The following CASQ2 variants were observed in gnomAD, a reference collection of about 807,000 sequenced individuals.
The protein encoded by CASQ2 is calsequestrin-2.
In CASQ2, 49 loss-of-function variants were observed where a neutral mutation model predicts 46.5. The ratio of observed to expected loss-of-function variants is 1.05; its 90% CI spans 0.84 to 1.34. The LOEUF (loss-of-function observed/expected upper bound fraction) is 1.34. Among genes scored for constraint, CASQ2 ranks in the 40% most tolerant of loss-of-function variants. The pLI, the probability that CASQ2 is intolerant of heterozygous loss-of-function variation, is 0.00. For synonymous variants in CASQ2, 174 were observed against 168.5 expected (o/e 1.03, Z -0.25); for missense variants, 486 against 481.3 (o/e 1.01, Z -0.09).
chr1:115,725,428 T>C (rs575264268), intron 7 of CASQ2, 80 bp downstream of exon 7: 3 of 1,526,836 alleles, frequency 2.0e-6, no homozygotes, highest in East Asian at 4.5e-5. Context: ...GGTTTGAGTT[T>C]GGGGACTTAA....
intron 1 of CASQ2, among the ~76,000 whole-genome samples, chr1:115,765,061 T>C (rs573697454): frequency 6.6e-6 from 1 of 152,226 alleles, no homozygotes; most frequent in Non-Finnish European, 1.5e-5. Context: ...AGTAAATTCC[T>C]ACTCATTTCA....
rs1557788150 is a variant in CASQ2 at position 115,713,851 on chromosome 1, G to T, written c.838+3989C>A. Among the ~76,000 whole-genome samples, 4 of 152,144 alleles carry T rather than the reference G, an allele frequency of 2.6e-5. No individual in the cohort carries two copies. In the South Asian group the frequency reaches 8.3e-4, roughly 31 times the overall value. ...GACTGTGCACAGGAGGGGCCCTTGG[G>T]AAATCTAAGCTCGATTTCCCACTAT... On this transcript the variant is annotated intron_variant, in intron 8 of 10. Coordinates refer to ENST00000261448, the MANE Select transcript of CASQ2 (RefSeq NM_001232.4).
chr1:115,707,598 G>A (rs961621524), intron 8 of CASQ2, among the ~76,000 whole-genome samples: 18 of 152,296 alleles, frequency 1.2e-4, no homozygotes, highest in African/African-American at 3.6e-4. Context: ...ACTATGGGTC[G>A]TCCTTTGGCC....
At chr1:115,757,498 T>A in intron 1 of CASQ2, among the ~76,000 whole-genome samples, 1 of 152,238 alleles carries the variant, frequency 6.6e-6, no homozygotes, top group Non-Finnish European at 1.5e-5. Flanking sequence ...ATCCTGTGTG[T>A]GTTGCTATTC....
At chr1:115,747,609 T>C (rs1256435899) in intron 1 of CASQ2, among the ~76,000 whole-genome samples, 1 of 152,214 alleles carries the variant, frequency 6.6e-6, no homozygotes, top group East Asian at 1.9e-4. Flanking sequence ...TTCATGAATA[T>C]GGTATGTCTC....
chr1:115,759,366 CT>C (rs1201225416), intron 1 of CASQ2, among the ~76,000 whole-genome samples: 1 of 152,196 alleles, frequency 6.6e-6, no homozygotes, highest in Admixed American at 6.5e-5. Context: ...AAATTAGTTT[CT>C]GAGGGAACAG....
intron 1 of CASQ2, among the ~76,000 whole-genome samples, chr1:115,764,595 T>G (rs983030422): frequency 4.6e-5 from 7 of 152,116 alleles, no homozygotes; most frequent in African/African-American, 1.7e-4. Context: ...AAATGAGGGG[T>G]TCAGAGCAAC....
At chr1:115,731,348 C>G (rs1647777450) in intron 5 of CASQ2, among the ~76,000 whole-genome samples, 1 of 152,184 alleles carries the variant, frequency 6.6e-6, no homozygotes. Context: ...AATTAATTGG[C>G]CTGCCTCTCT....
At chr1:115,733,890 T>C (rs555975222) in intron 4 of CASQ2, among the ~76,000 whole-genome samples, 1 of 152,344 alleles carries the variant, frequency 6.6e-6, no homozygotes, top group Non-Finnish European at 1.5e-5. Flanking sequence ...ACTAAGATTC[T>C]ATCAAAATTT....
At chr1:115,725,367 TG>T in intron 7 of CASQ2, 140 bp downstream of exon 7, 1 of 959,126 alleles carries the variant, frequency 1.0e-6, no homozygotes, top group East Asian at 2.4e-5. Context: ...GTACCCAATC[TG>T]TCCATGTTTC....
intron 1 of CASQ2, among the ~76,000 whole-genome samples, chr1:115,762,158 G>T (rs1648986087): frequency 6.6e-6 from 1 of 152,180 alleles, no homozygotes; most frequent in African/African-American, 2.4e-5. Flanking sequence ...CAACTTCCAA[G>T]AAGATATGGC....
rs11462500 is a variant in CASQ2 at position 115,743,982 on chromosome 1, CA to C, written c.319+845del. ...TGAAACCCTGTCTCTCATAAAAATA[CA>C]AAAAAAAAAAATGAACTGAGCGTGG... is the stretch of plus-strand genomic sequence containing the variant. On this transcript the variant is annotated intron_variant, in intron 2 of 10. Coordinates refer to ENST00000261448, the MANE Select transcript of CASQ2 (RefSeq NM_001232.4). Among the ~76,000 whole-genome samples, 243 of 149,086 alleles carry C rather than the reference CA, an allele frequency of 1.6e-3. 1 individual carries two copies. The highest frequency in any genetic ancestry group is 2.6e-3 in the Non-Finnish European group (178 of 67,582).
At chr1:115,768,269 A>T in intron 1 of CASQ2, 39 bp downstream of exon 1, 1 of 1,333,812 alleles carries the variant, frequency 7.5e-7, no homozygotes, top group Non-Finnish European at 1.1e-6. Context: ...TCGGCACCTC[A>T]CTGAGGCAGC....
chr1:115,761,443 A>AAGAAGAAGG (rs1648939395), intron 1 of CASQ2, among the ~76,000 whole-genome samples: 1 of 12,140 alleles, frequency 8.2e-5, no homozygotes, highest in African/African-American at 3.5e-4. Flanking sequence ...AAGAAGAAAG[A>AAGAAGAAGG]AGAAGAAGAA....
intron 8 of CASQ2, among the ~76,000 whole-genome samples, 175 bp from the exon 9 acceptor site, chr1:115,705,467 A>G (rs1487366473): frequency 1.3e-5 from 2 of 152,226 alleles, no homozygotes; most frequent in African/African-American, 4.8e-5. Flanking sequence ...AGCAGATTAT[A>G]CAAAGGAAAC....
intron 1 of CASQ2, among the ~76,000 whole-genome samples, chr1:115,767,383 A>C (rs551090288): frequency 6.6e-6 from 1 of 152,316 alleles, no homozygotes; most frequent in East Asian, 1.9e-4. Context: ...TCAAATCCAC[A>C]TGGGTTTTAT....
chr1:115,709,631 C>A (rs1654479871), intron 8 of CASQ2, among the ~76,000 whole-genome samples: 1 of 152,168 alleles, frequency 6.6e-6, no homozygotes, highest in Non-Finnish European at 1.5e-5. Flanking sequence ...CCCAGACATT[C>A]CAAACTCCAG....
intron 7 of CASQ2, 94 bp downstream of exon 7, chr1:115,725,414 A>T: frequency 7.1e-7 from 1 of 1,401,604 alleles, no homozygotes; most frequent in South Asian, 1.2e-5. Context: ...AGCCAAATAA[A>T]CTTGGTTTGA....
intron 8 of CASQ2, among the ~76,000 whole-genome samples, chr1:115,717,185 C>A (rs977847513): frequency 6.6e-6 from 1 of 152,194 alleles, no homozygotes; most frequent in African/African-American, 2.4e-5. Flanking sequence ...ACCTGAAGAA[C>A]TTTGAGCCAA....
Sources: gnomAD v4.1 joint callset for allele counts (sites outside exome capture counted in the v4.1 genomes callset) on GRCh38, gnomAD v4.1.1 for gene constraint, MANE v1.5 for transcripts, NCBI Gene and HGNC (gene_info 2026-07-23, HGNC 2026-07-21) for gene names.